Variants in ENPP4 observed in about 807,000 individuals in gnomAD.
ENPP4 encodes bis(5'-adenosyl)-triphosphatase ENPP4.
A neutral mutation model predicts 33.4 loss-of-function variants in ENPP4; 18 were observed. That is an observed-to-expected ratio of 0.54 (90% confidence interval 0.37 to 0.80). The LOEUF is 0.80. ENPP4 is among the 30% of genes least tolerant of loss of function. ENPP4 has a pLI of 0.00. For synonymous variants in ENPP4, 172 were observed against 189.9 expected (o/e 0.91, Z 0.78); for missense variants, 480 against 541.7 (o/e 0.89, Z 1.13).
At chr6:46,141,464 A>G (rs766171495) in intron 3 of ENPP4, among the ~76,000 whole-genome samples, 4 of 151,702 alleles carry the variant, frequency 2.6e-5, no homozygotes, top group Middle Eastern at 3.2e-3. Context: ...CAAAACTGCA[A>G]TTACTGTCAG....
intron 1 of ENPP4, among the ~76,000 whole-genome samples, chr6:46,131,175 A>ATT (rs1763890265): frequency 1.3e-5 from 2 of 151,964 alleles, no homozygotes; most frequent in Non-Finnish European, 2.9e-5. Context: ...TATTATTATT[A>ATT]TACCTTAAGT....
intron 2 of ENPP4, 54 bp downstream of exon 2, chr6:46,140,463 AG>A: frequency 1.0e-6 from 1 of 977,856 alleles, no homozygotes; most frequent in Non-Finnish European, 1.5e-6. Flanking sequence ...CAATTGATTG[AG>A]GGGGGTGGGT....
rs572687242 is a variant in ENPP4, at chr6:46,141,067, A to G, written c.842A>G (p.Tyr281Cys). The stretch of plus-strand genomic sequence containing the variant: ...TTTTTCTCAGATAGAACAGAGGTTT[A>G]TAACAAACTGAAAAACTGTAGCCCT... ...ILPKINRTEVYNKLKNCSPHM... is the reference protein window; with the variant it reads ...ILPKINRTEVCNKLKNCSPHM... Residue 281 changes from tyrosine (Y) to cysteine (C), a missense_variant, in exon 3 of 4, where the codon TAT becomes TGT. By Grantham distance (194) the Tyr-to-Cys change is radical. This residue lies in a region of ENPP4 where 249 missense variants were observed against 251.8 expected (regional missense o/e 0.99). Transcript: ENST00000321037. 1.2e-6 allele frequency: 2 copies of G among 1,601,504 alleles called. No homozygotes were observed. The highest frequency in any genetic ancestry group is 1.7e-6 in the Non-Finnish European group (2 of 1,173,328).
In ENPP4 at chr6:46,130,049, C is replaced by T. The variant is rs949428622; in HGVS notation, c.-174C>T. 8.0e-5 allele frequency: 12 copies of T among 149,288 alleles called. No homozygotes were observed. The highest frequency in any genetic ancestry group is 1.3e-4 in the Admixed American group (2 of 14,940). 9.2% of individuals were successfully genotyped at this position (149,288 alleles called of 1,614,324 possible). The stretch of plus-strand genomic sequence containing the variant: ...TGGGGCTGTGCCCCGCGGCGCGGCG[C>T]CTGCCACTGCGCAGGCGCCTCAGGA... On this transcript the variant is annotated 5_prime_UTR_variant, in exon 1 of 4. Transcript: ENST00000321037.
Position 46,146,609 on chromosome 6 carries a change from T to G in ENPP4, c.*2969T>G, listed in dbSNP as rs924822338. On this transcript the variant is annotated 3_prime_UTR_variant, in exon 4 of 4. Transcript: ENST00000321037. ...TTTGACTGTTACTTGAGTTCAGAAT[T>G]AATGACTTTGTTCATGATTTTTAAA... 6.6e-6 allele frequency: 1 copy of G among 152,144 alleles called. No individual in the cohort carries two copies. Among genetic ancestry groups the G allele is most frequent in the Non-Finnish European group, 1.5e-5 (1 of 67,844 alleles). 9.4% of individuals were successfully genotyped at this position (152,144 alleles called of 1,614,324 possible). A position where few individuals can be genotyped will look rare whatever the true frequency, so the allele number is the denominator to read the frequency against.
At position 46,132,263 on chromosome 6, in the gene ENPP4, T is replaced by G. The variant is rs372889879; in HGVS notation, c.-34+2074T>G. 1.8e-3 allele frequency among the ~76,000 whole-genome samples: 274 copies of G among 152,292 alleles called. 1 individual carries two copies. The highest frequency in any genetic ancestry group is 2.9e-3 in the Non-Finnish European group (200 of 68,012). ...GTCCTGAATGGTAATGCCTAGGTTT[T>G]CTTCTAGGGTTTTTATGGTTTTAGG... On this transcript the variant is annotated intron_variant, in intron 1 of 3. Transcript: ENST00000321037.
intron 1 of ENPP4, among the ~76,000 whole-genome samples, chr6:46,134,472 A>G (rs1763947917): frequency 6.6e-6 from 1 of 152,176 alleles, no homozygotes; most frequent in African/African-American, 2.4e-5. Flanking sequence ...AGATTTGAGG[A>G]AGAAGCATTT....
Position 46,140,327 on chromosome 6 carries a change from G to A in ENPP4, c.744G>A (p.Leu248=). 6.2e-7 allele frequency: 1 copy of A among 1,611,700 alleles called. No individual in the cohort carries two copies. Among genetic ancestry groups the A allele is most frequent in the South Asian group, 1.1e-5 (1 of 90,876 alleles). The change falls in exon 2 of 4, where the codon CTG becomes CTA. Residue 248 remains leucine, a synonymous_variant. Coordinates refer to ENST00000321037, the MANE Select transcript of ENPP4 (RefSeq NM_014936.5). ...HGMTQCSQDR[L]INLDSCIDHS... ...TGACCCAGTGTTCTCAGGACAGACT[G>A]ATAAACCTGGATTCCTGCATCGATC... is the stretch of plus-strand genomic sequence containing the variant.
chr6:46,134,064 C>T (rs1001323970), intron 1 of ENPP4, among the ~76,000 whole-genome samples: 8 of 152,064 alleles, frequency 5.3e-5, no homozygotes, highest in Admixed American at 1.3e-4. Context: ...TCATCATATG[C>T]GAAGAGATGA....
chr6:46,134,943 T>A (rs188795291), intron 1 of ENPP4, among the ~76,000 whole-genome samples: 211 of 152,228 alleles, frequency 1.4e-3, no homozygotes, highest in South Asian at 8.9e-3. Flanking sequence ...AATGGAATCA[T>A]ATAATAAGTG....
In ENPP4 at chr6:46,143,611, G is replaced by A; in HGVS notation, c.1333G>A (p.Glu445Lys). The A allele has an allele frequency of 6.2e-7, 1 of 1,611,508 alleles. No individual in the cohort carries two copies. Among genetic ancestry groups the A allele is most frequent in the Non-Finnish European group, 8.5e-7 (1 of 1,178,302 alleles). ...PRPFSRLQLQ[E>K]DDDDPLIG ...TCCATTTTCTCGACTTCAGCTACAAGAAGATGATGATGATCCTTTAATTGG... is the reference window on the plus strand; with the variant it reads ...TCCATTTTCTCGACTTCAGCTACAAAAAGATGATGATGATCCTTTAATTGG... Residue 445 changes from glutamate to lysine, a missense_variant, in exon 4 of 4, where the codon GAA becomes AAA. Physicochemically the swap from Glu to Lys is moderately conservative, Grantham distance 56. Around this residue, in one of 3 missense-constraint regions of ENPP4, gnomAD observed 249 missense variants for 251.8 expected, o/e 0.99. Coordinates refer to ENST00000321037, the MANE Select transcript of ENPP4 (RefSeq NM_014936.5).
chr6:46,141,179 C>T lies in ENPP4; in HGVS notation c.954C>T (p.Ala318=), dbSNP rs9472696. ...NDRIQPIILV[A]DEGWTIVLNE... ...GAATTCAGCCCATTATTTTGGTTGCCGATGAAGGCTGGACAATTGTGCTAA... is the reference window on the plus strand; with the variant it reads ...GAATTCAGCCCATTATTTTGGTTGCTGATGAAGGCTGGACAATTGTGCTAA... The change falls in exon 3 of 4, where the codon GCC becomes GCT. Residue 318 remains alanine (A), a synonymous_variant. Coordinates refer to ENST00000321037, the MANE Select transcript of ENPP4 (RefSeq NM_014936.5). 1.1e-4 allele frequency: 173 copies of T among 1,608,796 alleles called. 1 individual carries two copies. The East Asian group carries it at 3.3e-3, about 31-fold the overall frequency.
chr6:46,134,683 C>T lies in ENPP4; in HGVS notation c.-34+4494C>T, dbSNP rs574454519. On this transcript the variant is annotated intron_variant, in intron 1 of 3. Transcript: ENST00000321037. ...GATTACAATTTCACTTCCCTCTGCT[C>T]TTTTTTAAAAAATAATATTTTATTG... 2.6e-5 allele frequency among the ~76,000 whole-genome samples: 4 copies of T among 152,082 alleles called. No homozygotes were observed. The South Asian group carries it at 6.2e-4, about 24-fold the overall frequency.
rs372059789 is a variant in ENPP4, at chr6:46,143,502, C to T, written c.1224C>T (p.Ile408=). The T allele has an allele frequency of 1.2e-6, 2 of 1,612,814 alleles. No homozygotes were observed. Among genetic ancestry groups the T allele is most frequent in the South Asian group, 1.1e-5 (1 of 91,046 alleles). The change falls in exon 4 of 4, where the codon ATC becomes ATT. Residue 408 remains isoleucine (I), a synonymous_variant. Coordinates refer to ENST00000321037, the MANE Select transcript of ENPP4 (RefSeq NM_014936.5). ...GGTGCATTAATCTCCCAGAAGCCAT[C>T]GCGATTGTTATCGGTTCACTCTTGG... ...DQWCINLPEA[I]AIVIGSLLVL...
intron 1 of ENPP4, among the ~76,000 whole-genome samples, chr6:46,135,491 T>A (rs1219672727): frequency 6.6e-6 from 1 of 152,102 alleles, no homozygotes; most frequent in Admixed American, 6.6e-5. Flanking sequence ...TTTCAGCTCA[T>A]GCTCATTTTT....
rs549601685 is a variant in ENPP4, at chr6:46,142,371, T to A, written c.998-905T>A. The stretch of plus-strand genomic sequence containing the variant: ...TATGTAATATATATAATATATATAA[T>A]GTATATTATATATTATATATAATAT... On this transcript the variant is annotated intron_variant, in intron 3 of 3. Coordinates refer to ENST00000321037, the MANE Select transcript of ENPP4 (RefSeq NM_014936.5). Among the ~76,000 whole-genome samples the A allele has an allele frequency of 4.1e-5, 6 of 147,076 alleles. No individual in the cohort carries two copies. In the Admixed American group the frequency reaches 4.1e-4, roughly 10 times the overall value.
In ENPP4 at chr6:46,140,283, A is replaced by T; in HGVS notation, c.700A>T (p.Ile234Phe). The change falls in exon 2 of 4, where the codon ATT becomes TTT. Residue 234 changes from isoleucine (I) to phenylalanine (F), a missense_variant. Physicochemically the swap from Ile to Phe is conservative, Grantham distance 21 (BLOSUM62 0). Around this residue, in one of 3 missense-constraint regions of ENPP4, gnomAD observed 227 missense variants for 273.7 expected, o/e 0.83. Coordinates refer to ENST00000321037, the MANE Select transcript of ENPP4 (RefSeq NM_014936.5). ...LGLWENLNVI[I>F]TSDHGMTQCS... ...GCTATGGGAAAATCTTAATGTGATC[A>T]TTACAAGTGATCATGGGATGACCCA... 1.2e-6 allele frequency: 2 copies of T among 1,612,478 alleles called. No individual in the cohort carries two copies. Among genetic ancestry groups the T allele is most frequent in the Non-Finnish European group, 1.7e-6 (2 of 1,178,904 alleles).
In ENPP4 at chr6:46,139,697, T is replaced by C. The variant is rs756083665; in HGVS notation, c.114T>C (p.Ala38=). 8 of 1,608,298 alleles carry C rather than the reference T, an allele frequency of 5.0e-6. No individual in the cohort carries two copies. In the East Asian group the frequency reaches 1.3e-4, roughly 27 times the overall value. Residue 38 remains alanine, a synonymous_variant, in exon 2 of 4, where the codon GCT becomes GCC. Transcript: ENST00000321037. ...LLLVSFDGFR[A]DYLKNYEFPH... Reference sequence around the variant, plus strand: ...TAGTATCCTTTGATGGCTTCAGAGCTGATTATCTGAAGAACTATGAATTTC... The same window carrying C: ...TAGTATCCTTTGATGGCTTCAGAGCCGATTATCTGAAGAACTATGAATTTC...
In ENPP4 at chr6:46,145,031, G is replaced by A; in HGVS notation, c.*1391G>A. On this transcript the variant is annotated 3_prime_UTR_variant, in exon 4 of 4. Coordinates refer to ENST00000321037, the MANE Select transcript of ENPP4 (RefSeq NM_014936.5). ...ACAGACTAGATTATATTTAGTAGGG[G>A]AAAAATTGGGCTCAAGAACCATTCA... The A allele has an allele frequency of 2.5e-6, 1 of 395,678 alleles. No homozygotes were observed. The highest frequency in any genetic ancestry group is 4.4e-5 in the Admixed American group (1 of 22,606). The allele number at this position is 395,678 out of a possible 1,614,324, so 24.5% of individuals were successfully genotyped here. A position where few individuals can be genotyped will look rare whatever the true frequency, so the allele number is the denominator to read the frequency against.
Sources: gnomAD v4.1 joint callset for allele counts (sites outside exome capture counted in the v4.1 genomes callset) on GRCh38, gnomAD v4.1.1 for gene constraint, gnomAD v4.1.1 regional missense constraint, MANE v1.5 for transcripts, NCBI Gene and HGNC (gene_info 2026-07-23, HGNC 2026-07-21) for gene names.